INPP4B: variants seen among roughly 807,000 people sequenced by gnomAD.
INPP4B encodes the protein inositol polyphosphate-4-phosphatase type II B, also known as inositol polyphosphate 4-phosphatase type II.
INPP4B carries 55 observed loss-of-function variants against 122.5 expected under a neutral mutation model. That is an observed-to-expected ratio of 0.45 (90% CI 0.36 to 0.56). The LOEUF (loss-of-function observed/expected upper bound fraction) is 0.56. Ranked by LOEUF, INPP4B falls within the 20% of genes least tolerant of loss-of-function variation. The pLI is 0.00. For synonymous variants in INPP4B, 403 were observed against 388.7 expected, an observed-to-expected ratio of 1.04 and a Z score of -0.43; for missense variants, 1,000 against 1,097.7, an observed-to-expected ratio of 0.91 and a Z score of 1.26.
intron 2 of INPP4B, among the ~76,000 whole-genome samples, chr4:142,595,697 T>C (rs1339630002): frequency 2.0e-5 from 3 of 152,118 alleles, no homozygotes; most frequent in Non-Finnish European, 4.4e-5. Flanking sequence ...CTTGGCAAGG[T>C]ACAAGTAATT....
intron 7 of INPP4B, among the ~76,000 whole-genome samples, chr4:142,401,080 G>C (rs1438088098): frequency 6.6e-6 from 1 of 151,994 alleles, no homozygotes; most frequent in African/African-American, 2.4e-5. Context: ...TTTAATCAGC[G>C]GCTTTGCAGA....
At chr4:142,608,287 A>G (rs1256199319) in intron 2 of INPP4B, among the ~76,000 whole-genome samples, 1 of 152,156 alleles carries the variant, frequency 6.6e-6, no homozygotes, top group African/African-American at 2.4e-5. Context: ...ACAAAAGTCA[A>G]TAATAAAGGC....
At chr4:142,773,405 G>C (rs1318622653) in intron 1 of INPP4B, among the ~76,000 whole-genome samples, 1 of 152,042 alleles carries the variant, frequency 6.6e-6, no homozygotes, top group Non-Finnish European at 1.5e-5. Context: ...ATATTTTAAA[G>C]TGGCAGAACT....
At chr4:142,679,137 C>T (rs1421932718) in intron 2 of INPP4B, among the ~76,000 whole-genome samples, 1 of 151,828 alleles carries the variant, frequency 6.6e-6, no homozygotes, top group African/African-American at 2.4e-5. Flanking sequence ...AGAAAGAAGC[C>T]ATTACAACTT....
intron 1 of INPP4B, among the ~76,000 whole-genome samples, chr4:142,737,681 C>T (rs1264710692): frequency 2.0e-5 from 3 of 152,128 alleles, no homozygotes; most frequent in Non-Finnish European, 4.4e-5. Context: ...AGGCAACCTA[C>T]AGAATGGGAG....
chr4:142,758,192 G>T (rs1025522487), intron 1 of INPP4B, among the ~76,000 whole-genome samples: 3 of 152,102 alleles, frequency 2.0e-5, no homozygotes, highest in African/African-American at 7.2e-5. Flanking sequence ...CATAGCATAG[G>T]ATGAATAGAT....
intron 2 of INPP4B, among the ~76,000 whole-genome samples, chr4:142,570,920 C>A (rs527949033): frequency 6.6e-6 from 1 of 151,702 alleles, no homozygotes; most frequent in Non-Finnish European, 1.5e-5. Flanking sequence ...TACCATCAGA[C>A]CTTCTTTCTT....
chr4:142,763,816 G>C (rs993452756), intron 1 of INPP4B, among the ~76,000 whole-genome samples: 2 of 151,858 alleles, frequency 1.3e-5, no homozygotes, highest in African/African-American at 2.4e-5. Flanking sequence ...TACAAATTTT[G>C]CTTTGTAAAA....
intron 7 of INPP4B, among the ~76,000 whole-genome samples, chr4:142,354,829 A>T (rs1041934540): frequency 1.3e-5 from 2 of 152,046 alleles, no homozygotes; most frequent in African/African-American, 4.8e-5. Context: ...CCTAACTAAC[A>T]TACGGCTAGT....
intron 9 of INPP4B, among the ~76,000 whole-genome samples, chr4:142,274,112 A>G (rs1228576541): frequency 6.6e-6 from 1 of 151,842 alleles, no homozygotes; most frequent in Admixed American, 6.6e-5. Flanking sequence ...TCAATTTATC[A>G]CCTATCAAGT....
intron 12 of INPP4B, among the ~76,000 whole-genome samples, chr4:142,237,167 G>A (rs1212387464): frequency 2.0e-5 from 3 of 152,042 alleles, no homozygotes; most frequent in Admixed American, 2.0e-4. Flanking sequence ...GTCATCTCCA[G>A]TAGTTTTTAG....
chr4:142,122,318 G>T, intron 20 of INPP4B, 73 bp from the exon 21 acceptor site: 1 of 1,066,390 alleles, frequency 9.4e-7, no homozygotes, highest in Non-Finnish European at 1.4e-6. Context: ...ATGCCTCCCT[G>T]CTGGAATTTG....
intron 7 of INPP4B, among the ~76,000 whole-genome samples, chr4:142,330,438 T>G (rs1005043220): frequency 6.6e-6 from 1 of 152,188 alleles, no homozygotes; most frequent in Non-Finnish European, 1.5e-5. Flanking sequence ...TAACTGCCTG[T>G]GAGATGGGTC....
chr4:142,208,768 A>C, intron 13 of INPP4B, 128 bp downstream of exon 13: 1 of 683,774 alleles, frequency 1.5e-6, no homozygotes, highest in Non-Finnish European at 2.2e-6. Flanking sequence ...TGTTAAAGTT[A>C]GAAATAAAAG....
At chr4:142,260,070 C>T (rs148684934) in intron 11 of INPP4B, among the ~76,000 whole-genome samples, 1,658 of 152,218 alleles carry the variant, frequency 0.011, 18 homozygotes, top group Non-Finnish European at 0.017. Context: ...CTGCAACCTC[C>T]GCCCCTCGGG....
chr4:142,158,311 G>A (rs1818272808), intron 17 of INPP4B, among the ~76,000 whole-genome samples: 1 of 152,026 alleles, frequency 6.6e-6, no homozygotes, highest in Admixed American at 6.6e-5. Context: ...TGTATCCCAT[G>A]TACATCTCTA....
intron 25 of INPP4B, among the ~76,000 whole-genome samples, chr4:142,033,512 C>A (rs1741744665): frequency 6.6e-6 from 1 of 152,084 alleles, no homozygotes; most frequent in African/African-American, 2.4e-5. Context: ...CTTCACTGAT[C>A]ATTAGTGCTG....
chr4:142,421,991 A>G (rs1337814473), intron 5 of INPP4B, among the ~76,000 whole-genome samples: 1 of 152,106 alleles, frequency 6.6e-6, no homozygotes, highest in Non-Finnish European at 1.5e-5. Flanking sequence ...CCTCCAAATC[A>G]GACAAAACTC....
At chr4:142,553,710 C>T (rs1400237675) in intron 2 of INPP4B, among the ~76,000 whole-genome samples, 1 of 152,196 alleles carries the variant, frequency 6.6e-6, no homozygotes, top group Non-Finnish European at 1.5e-5. Flanking sequence ...CTTCCCTTCT[C>T]AGTCCTACTT....
Sources: gnomAD v4.1 joint callset for allele counts (sites outside exome capture counted in the v4.1 genomes callset) on GRCh38, gnomAD v4.1.1 for gene constraint, MANE v1.5 for transcripts, NCBI Gene and HGNC (gene_info 2026-07-23, HGNC 2026-07-21) for gene names.